Variants in PFKL observed in about 807,000 individuals in gnomAD.
PFKL encodes phosphofructokinase, liver type.
A neutral mutation model predicts 92.1 loss-of-function variants in PFKL; 74 were observed. The observed-to-expected ratio is 0.80, with a 90% CI of 0.67 to 0.97. The LOEUF (loss-of-function observed/expected upper bound fraction) is 0.97. Among genes scored for constraint, PFKL ranks in the 50% least tolerant of loss-of-function variants. PFKL has a pLI of 0.00. For synonymous variants in PFKL, 494 were observed against 456.4 expected (o/e 1.08, Z -1.05); for missense variants, 1,028 against 1,116.6 (o/e 0.92, Z 1.13).
At chr21:44,311,907 C>T (rs1452616799) in intron 3 of PFKL, among the ~76,000 whole-genome samples, 198 bp from the exon 4 acceptor site, 2 of 152,214 alleles carry the variant, frequency 1.3e-5, no homozygotes, top group Non-Finnish European at 2.9e-5. Flanking sequence ...CGGACATCAT[C>T]CTCCTCTTTG....
intron 9 of PFKL, among the ~76,000 whole-genome samples, chr21:44,317,617 T>G (rs1056340167): frequency 1.3e-5 from 2 of 152,148 alleles, no homozygotes; most frequent in African/African-American, 4.8e-5. Flanking sequence ...CAAAGGACAG[T>G]TGATCGCCCC....
intron 9 of PFKL, 55 bp from the exon 10 acceptor site, chr21:44,318,415 G>A: frequency 1.4e-6 from 2 of 1,398,316 alleles, no homozygotes; most frequent in Non-Finnish European, 1.9e-6. Context: ...GGATGGGCAT[G>A]TGGCTTGGGG....
chr21:44,300,146 C>A lies in PFKL; in HGVS notation c.41C>A (p.Ala14Glu). ...CTGGAGAAGCTGCGGGCGTCGGGCG[C>A]GGGCAAGGCCATCGGCGTCCTGACC... ...VDLEKLRASGAGKAIGVLTSG... is the reference protein window; with the variant it reads ...VDLEKLRASGEGKAIGVLTSG... The change falls in exon 1 of 22, where the codon GCG becomes GAG. Residue 14 changes from alanine (A) to glutamate (E), a missense_variant. Coordinates refer to ENST00000349048, the MANE Select transcript of PFKL (RefSeq NM_002626.6). The A allele has an allele frequency of 8.4e-7, 1 of 1,193,534 alleles. No individual in the cohort carries two copies. Among genetic ancestry groups the A allele is most frequent in the South Asian group, 1.8e-5 (1 of 55,338 alleles). The allele number at this position is 1,193,534 out of a possible 1,614,324, so 73.9% of individuals were successfully genotyped here.
chr21:44,325,653 A>G (rs563668902), intron 19 of PFKL: 76 of 491,140 alleles, frequency 1.5e-4, no homozygotes, highest in African/African-American at 1.3e-3. Context: ...GTGGCTGGGC[A>G]TGGGGCCCGA....
At chr21:44,304,245 C>T (rs2040861105) in intron 1 of PFKL, 1 of 1,289,138 alleles carries the variant, frequency 7.8e-7, no homozygotes, top group African/African-American at 1.5e-5. Context: ...TTGCTGACCC[C>T]TGATCCTGGG....
chr21:44,320,933 C>T (rs1386117380), intron 12 of PFKL: 3 of 152,308 alleles, frequency 2.0e-5, no homozygotes, highest in Non-Finnish European at 2.9e-5. Context: ...GTCTGGTCCT[C>T]CCTTCCATGG....
At chr21:44,316,863 A>G (rs1162699711) in intron 9 of PFKL, among the ~76,000 whole-genome samples, 40 of 151,986 alleles carry the variant, frequency 2.6e-4, no homozygotes, top group Non-Finnish European at 2.6e-4. Flanking sequence ...AGACCTGGGG[A>G]CCATGGGAGG....
chr21:44,319,975 A>C, intron 11 of PFKL, 109 bp from the exon 12 acceptor site: 1 of 949,882 alleles, frequency 1.1e-6, no homozygotes. Flanking sequence ...CTGAGCTTCC[A>C]TCGGGCCGTG....
At chr21:44,313,772 T>A in intron 6 of PFKL, 90 bp downstream of exon 6, 1 of 1,407,748 alleles carries the variant, frequency 7.1e-7, no homozygotes, top group Non-Finnish European at 9.8e-7. Context: ...AGGGCTCAGT[T>A]AATGCCATGG....
Position 44,312,849 on chromosome 21 carries a change from T to A in PFKL, c.428-129T>A, listed in dbSNP as rs1026681221. 4 of 919,998 alleles carry A rather than the reference T, an allele frequency of 4.3e-6. No individual in the cohort carries two copies. In the African/African-American group the frequency reaches 6.7e-5, roughly 15 times the overall value. The allele number at this position is 919,998 out of a possible 1,614,324, so 57.0% of individuals were successfully genotyped here. A position where few individuals can be genotyped will look rare whatever the true frequency, so the allele number is the denominator to read the frequency against. On this transcript the variant is annotated intron_variant, in intron 4 of 21. Transcript: ENST00000349048. ...GTTCCAGGCAGGAGGAGGCTGAGCC[T>A]GGAACTCCGGGGCCCCTGCCGGGCT...
At chr21:44,325,067 C>T (rs2047463356) in intron 18 of PFKL, 86 bp from the exon 19 acceptor site, 4 of 1,205,158 alleles carry the variant, frequency 3.3e-6, no homozygotes, top group Admixed American at 3.8e-5. Context: ...GCCACTCCCT[C>T]TCCCAGGCCT....
At chr21:44,304,247 G>C in intron 1 of PFKL, 1 of 1,289,180 alleles carries the variant, frequency 7.8e-7, no homozygotes, top group Non-Finnish European at 1.0e-6. Flanking sequence ...GCTGACCCCT[G>C]ATCCTGGGGC....
intron 7 of PFKL, chr21:44,315,968 G>A: frequency 2.1e-6 from 1 of 486,100 alleles, no homozygotes; most frequent in Non-Finnish European, 3.8e-6. Context: ...GCTGGGCCCA[G>A]CCCCGAGGGC....
intron 2 of PFKL, 102 bp from the exon 3 acceptor site, chr21:44,310,904 G>T: frequency 1.2e-6 from 1 of 815,066 alleles, no homozygotes; most frequent in South Asian, 1.5e-5. Flanking sequence ...CAGCACCCTG[G>T]TCCTGCTTTC....
intron 9 of PFKL, 77 bp downstream of exon 9, chr21:44,316,601 C>T (rs574452287): frequency 1.9e-5 from 21 of 1,117,160 alleles, no homozygotes; most frequent in Non-Finnish European, 2.5e-5. Flanking sequence ...GCAGTGTGCA[C>T]GCGAGCATGG....
In PFKL at chr21:44,323,986, G is replaced by A. The variant is rs932517653; in HGVS notation, c.1650+68G>A. On this transcript the variant is annotated intron_variant, in intron 16 of 21. Coordinates refer to ENST00000349048, the MANE Select transcript of PFKL (RefSeq NM_002626.6). ...GTGGGGTGGGGCTGAGCCTACGGAG[G>A]CTGCTGGAGGGGATAGTGTGTGGTG... The A allele has an allele frequency of 9.7e-5, 153 of 1,572,734 alleles. 1 individual carries two copies. Among genetic ancestry groups the A allele is most frequent in the Non-Finnish European group, 1.3e-4 (151 of 1,148,394 alleles).
At chr21:44,318,308 A>G (rs1435279775) in intron 9 of PFKL, among the ~76,000 whole-genome samples, 162 bp from the exon 10 acceptor site, 1 of 152,202 alleles carries the variant, frequency 6.6e-6, no homozygotes, top group African/African-American at 2.4e-5. Context: ...GCCGTCGTGA[A>G]TGCTGGTCAG....
intron 11 of PFKL, chr21:44,319,820 A>C: frequency 1.9e-6 from 1 of 515,770 alleles, no homozygotes; most frequent in Non-Finnish European, 3.5e-6. Context: ...TCCACCCGCT[A>C]CCAAGGTGGC....
chr21:44,310,738 G>A (rs1056431473), intron 2 of PFKL, among the ~76,000 whole-genome samples: 3 of 148,862 alleles, frequency 2.0e-5, no homozygotes, highest in Non-Finnish European at 3.0e-5. Context: ...GGTGGGGTGA[G>A]GGAGCTCAGA....
Sources: gnomAD v4.1 joint callset for allele counts (sites outside exome capture counted in the v4.1 genomes callset) on GRCh38, gnomAD v4.1.1 for gene constraint, MANE v1.5 for transcripts, NCBI Gene and HGNC (gene_info 2026-07-23, HGNC 2026-07-21) for gene names.